F8: variants seen among roughly 807,000 people sequenced by gnomAD.
F8 encodes coagulation factor VIII.
A neutral mutation model predicts 140.6 loss-of-function variants in F8; 12 were observed. That is an observed-to-expected ratio of 0.09 (90% CI 0.05 to 0.14). The LOEUF (loss-of-function observed/expected upper bound fraction) is 0.14, where lower values mean the gene tolerates loss of function less well. Among genes scored for constraint, F8 ranks in the 10% least tolerant of loss-of-function variants. F8 has a pLI of 1.00. For missense variants in F8, 1,354 were observed against 1,720.7 expected (o/e 0.79, Z 3.77); for synonymous variants, 585 against 614.6 (o/e 0.95, Z 0.71).
chrX:154,892,576 A>G (rs2072951262), intron 22 of F8, among the ~76,000 whole-genome samples: 2 of 112,654 alleles, frequency 1.8e-5, no homozygotes, highest in Admixed American at 9.4e-5. Context: ...TATTAGCAAC[A>G]TAACCTTAGA....
At chrX:154,851,399 T>C (rs1223996285) in intron 25 of F8, among the ~76,000 whole-genome samples, 1 of 111,764 alleles carries the variant, frequency 8.9e-6, no homozygotes, top group Non-Finnish European at 1.9e-5. Context: ...TTCTTTTGGG[T>C]CCACACCCAG....
intron 1 of F8, among the ~76,000 whole-genome samples, chrX:155,003,275 T>C (rs1474215635): frequency 9.0e-6 from 1 of 110,958 alleles, no homozygotes; most frequent in Non-Finnish European, 1.9e-5. Flanking sequence ...AAAAAAGAAA[T>C]GCTAGAGATC....
chrX:154,855,701 T>C (rs782179250), intron 25 of F8, among the ~76,000 whole-genome samples: 1 of 103,373 alleles, frequency 9.7e-6, no homozygotes, highest in East Asian at 3.1e-4. Flanking sequence ...GAAACTGTAA[T>C]GGCTTCCCCT....
At chrX:154,976,024 T>C (rs1193204045) in intron 6 of F8, among the ~76,000 whole-genome samples, 1 of 110,764 alleles carries the variant, frequency 9.0e-6, no homozygotes, top group Non-Finnish European at 1.9e-5. Context: ...GCCTCCCGAG[T>C]AGCTGGGACT....
In F8 at chrX:154,931,398, T is replaced by C. The variant is rs1557278830; in HGVS notation, c.2392A>G (p.Met798Val). 2 of 1,211,171 alleles carry C rather than the reference T, an allele frequency of 1.7e-6. No individual in the cohort carries two copies. Among genetic ancestry groups the C allele is most frequent in the South Asian group, 1.8e-5 (1 of 56,985 alleles). Residue 798 changes from methionine to valine, a missense_variant, in exon 14 of 26, where the codon ATG becomes GTG. Around this residue, in one of 4 missense-constraint regions of F8, gnomAD observed 658 missense variants for 666.5 expected, o/e 0.99. Coordinates refer to ENST00000360256, the MANE Select transcript of F8 (RefSeq NM_000132.4). ...TDPWFAHRTP[M>V]PKIQNVSSSD... ...GAGGAGACATTTTGTATTTTAGGCA[T>C]AGGTGTTCTGTGTGCAAACCAAGGG...
At chrX:154,879,285 G>A (rs1444705784) in intron 22 of F8, among the ~76,000 whole-genome samples, 2 of 111,807 alleles carry the variant, frequency 1.8e-5, no homozygotes, top group African/African-American at 6.5e-5. Flanking sequence ...ACTGGCATAA[G>A]GACAGACATA....
chrX:154,930,834 T>A lies in F8; in HGVS notation c.2956A>T (p.Thr986Ser). The A allele has an allele frequency of 8.3e-7, 1 of 1,209,458 alleles. No homozygotes were observed. The highest frequency in any genetic ancestry group is 1.7e-5 in the African/African-American group (1 of 57,800). The change falls in exon 14 of 26, where the codon ACA becomes TCA. Residue 986 changes from threonine (T) to serine (S), a missense_variant. Physicochemically the swap from Thr to Ser is moderately conservative, Grantham distance 58. Around this residue, in one of 4 missense-constraint regions of F8, gnomAD observed 658 missense variants for 666.5 expected, o/e 0.99. Coordinates refer to ENST00000360256, the MANE Select transcript of F8 (RefSeq NM_000132.4). ...ESSWGKNVSS[T>S]ESGRLFKGKR... is the part of the protein sequence containing the mutation. ...CCTTTAAATAACCTACCACTCTCTG[T>A]TGACGATACATTTTTTCCCCATGAA...
At chrX:154,911,512 G>A (rs1318148596) in intron 14 of F8, among the ~76,000 whole-genome samples, 4 of 111,400 alleles carry the variant, frequency 3.6e-5, no homozygotes, top group African/African-American at 9.8e-5. Flanking sequence ...CAGGCTCATC[G>A]ATGTTGCCAC....
At chrX:154,948,823 A>G (rs973653846) in intron 12 of F8, among the ~76,000 whole-genome samples, 17 of 112,130 alleles carry the variant, frequency 1.5e-4, no homozygotes, top group Non-Finnish European at 2.3e-4. Flanking sequence ...GCTTAGTATA[A>G]CTAATTAATA....
chrX:154,913,536 G>A (rs1557276898), intron 14 of F8, among the ~76,000 whole-genome samples: 1 of 112,576 alleles, frequency 8.9e-6, no homozygotes, highest in South Asian at 3.6e-4. Context: ...TCAAAAGCAA[G>A]TTAGTTCCTT....
intron 5 of F8, among the ~76,000 whole-genome samples, chrX:154,986,169 G>C (rs2073557696): frequency 8.9e-6 from 1 of 112,456 alleles, no homozygotes; most frequent in Admixed American, 9.3e-5. Flanking sequence ...TCTCATGCAA[G>C]AAAAAGCATT....
intron 12 of F8, among the ~76,000 whole-genome samples, chrX:154,951,648 G>T (rs1364603399): frequency 1.8e-5 from 2 of 111,052 alleles, no homozygotes; most frequent in African/African-American, 6.5e-5. Context: ...AATGGAAATA[G>T]GAGTGATTTA....
intron 14 of F8, among the ~76,000 whole-genome samples, chrX:154,923,048 A>G (rs782249619): frequency 2.4e-4 from 27 of 111,871 alleles, no homozygotes; most frequent in African/African-American, 8.4e-4. Context: ...TCTTGCAATA[A>G]TTCAGATGAG....
At chrX:154,961,519 C>T (rs1361504515) in intron 9 of F8, among the ~76,000 whole-genome samples, 6 of 111,027 alleles carry the variant, frequency 5.4e-5, no homozygotes, top group African/African-American at 2.0e-4. Flanking sequence ...GTTGTTTTAC[C>T]GTATTGTTTC....
intron 1 of F8, among the ~76,000 whole-genome samples, chrX:155,019,949 T>C (rs782200986): frequency 5.8e-4 from 65 of 112,320 alleles, no homozygotes; most frequent in African/African-American, 1.8e-3. Flanking sequence ...TATTTAAATT[T>C]ATTACATTAA....
At chrX:154,921,959 C>T (rs1373833702) in intron 14 of F8, among the ~76,000 whole-genome samples, 2 of 111,302 alleles carry the variant, frequency 1.8e-5, no homozygotes, top group African/African-American at 6.5e-5. Context: ...AGCACACCAA[C>T]ATGGCACATG....
intron 2 of F8, among the ~76,000 whole-genome samples, chrX:154,999,218 G>A (rs1159408922): frequency 1.3e-4 from 14 of 110,108 alleles, no homozygotes; most frequent in African/African-American, 4.3e-4. Flanking sequence ...TTCTAAGACA[G>A]AAAATGTCCT....
At chrX:154,870,088 C>T (rs782819147) in intron 22 of F8, among the ~76,000 whole-genome samples, 2 of 111,802 alleles carry the variant, frequency 1.8e-5, no homozygotes, top group African/African-American at 3.2e-5. Flanking sequence ...CAGGACCAGA[C>T]GGATTCACAG....
At chrX:154,843,395 G>C (rs1312500117) in intron 25 of F8, among the ~76,000 whole-genome samples, 1 of 111,921 alleles carries the variant, frequency 8.9e-6, no homozygotes, top group Non-Finnish European at 1.9e-5. Context: ...TGTTGAACTA[G>C]TTTACAGTCC....
Sources: gnomAD v4.1 joint callset for allele counts (sites outside exome capture counted in the v4.1 genomes callset) on GRCh38, gnomAD v4.1.1 for gene constraint, gnomAD v4.1.1 regional missense constraint, MANE v1.5 for transcripts, NCBI Gene and HGNC (gene_info 2026-07-23, HGNC 2026-07-21) for gene names.